The following NUP107 variants were observed in gnomAD, a reference collection of about 807,000 sequenced individuals.
The protein encoded by NUP107 is nucleoporin 107.
A neutral mutation model predicts 141.0 loss-of-function variants in NUP107; 101 were observed. That is an observed-to-expected ratio of 0.72 (90% CI 0.61 to 0.84). The LOEUF is 0.84. NUP107 is among the 40% of genes least tolerant of loss of function. The pLI, the probability that NUP107 is intolerant of heterozygous loss-of-function variation, is 0.00. For synonymous variants in NUP107, 319 were observed against 363.9 expected, an observed-to-expected ratio of 0.88 and a Z score of 1.41; for missense variants, 941 against 1,102.7, an observed-to-expected ratio of 0.85 and a Z score of 2.08.
chr12:68,687,279 T>G (rs1273937243), intron 1 of NUP107: 1 of 688,452 alleles, frequency 1.5e-6, no homozygotes, highest in Non-Finnish European at 2.3e-6. Context: ...ATCATAATAG[T>G]CCCTTACTTT....
At chr12:68,733,414 G>C in intron 23 of NUP107, 38 bp from the exon 24 acceptor site, 1 of 1,583,222 alleles carries the variant, frequency 6.3e-7, no homozygotes, top group Non-Finnish European at 8.6e-7. Context: ...TTACAGAGAA[G>C]TCCGTAGGCA....
At chr12:68,729,119 C>T (rs1451956922) in intron 20 of NUP107, among the ~76,000 whole-genome samples, 2 of 152,290 alleles carry the variant, frequency 1.3e-5, no homozygotes, top group East Asian at 1.9e-4. Context: ...AACAGCTCTT[C>T]AGAGATGATT....
chr12:68,702,020 G>A (rs560506465), intron 7 of NUP107, among the ~76,000 whole-genome samples: 10 of 151,926 alleles, frequency 6.6e-5, no homozygotes, highest in African/African-American at 1.2e-4. Flanking sequence ...ATGGAATCTC[G>A]CTCTGTTGCC....
chr12:68,692,749 A>AT (rs35628849), intron 5 of NUP107, among the ~76,000 whole-genome samples: 35,759 of 135,314 alleles, frequency 0.26, 5,138 homozygotes, highest in Middle Eastern at 0.34. Flanking sequence ...TGCCTAGCTA[A>AT]TTTTTTTTTT....
At chr12:68,709,693 A>G (rs1470041203) in intron 9 of NUP107, among the ~76,000 whole-genome samples, 1 of 151,898 alleles carries the variant, frequency 6.6e-6, no homozygotes, top group African/African-American at 2.4e-5. Context: ...GATCGAGACC[A>G]TCTGGCTAAC....
intron 8 of NUP107, chr12:68,706,528 C>G: frequency 1.5e-6 from 1 of 676,734 alleles, no homozygotes; most frequent in Non-Finnish European, 2.7e-6. Flanking sequence ...TGGGATGACC[C>G]GTGGTGCACA....
Position 68,719,329 on chromosome 12 carries a change from T to A in NUP107, c.1084-12T>A. The A allele has an allele frequency of 6.2e-7, 1 of 1,611,512 alleles. No individual in the cohort carries two copies. Among genetic ancestry groups the A allele is most frequent in the Non-Finnish European group, 8.5e-7 (1 of 1,178,056 alleles). ...TGGTTATTGGACTGACTGCTCTTTC[T>A]TGTTTTCTAAGGCACAACGACTCTG... On this transcript the variant is annotated splice_polypyrimidine_tract_variant and intron_variant, in intron 12 of 27. Coordinates refer to ENST00000229179, the MANE Select transcript of NUP107 (RefSeq NM_020401.4).
chr12:68,688,081 G>A (rs184807366), intron 1 of NUP107, among the ~76,000 whole-genome samples: 20 of 152,332 alleles, frequency 1.3e-4, no homozygotes, highest in Non-Finnish European at 2.2e-4. Context: ...TACGTTTAAA[G>A]TGATGTTTGT....
intron 20 of NUP107, among the ~76,000 whole-genome samples, chr12:68,730,376 G>A (rs769359671): frequency 4.6e-5 from 7 of 151,584 alleles, no homozygotes; most frequent in Admixed American, 2.6e-4. Flanking sequence ...GCGCCACCAC[G>A]CCTGGCTAAT....
intron 8 of NUP107, among the ~76,000 whole-genome samples, chr12:68,703,663 C>T (rs1876443714): frequency 6.6e-6 from 1 of 152,094 alleles, no homozygotes; most frequent in African/African-American, 2.4e-5. Flanking sequence ...ATTGACCAGG[C>T]TGGTCTCGAT....
At chr12:68,739,742 C>T (rs1239285340) in intron 26 of NUP107, 1 of 151,786 alleles carries the variant, frequency 6.6e-6, no homozygotes, top group African/African-American at 2.4e-5. Flanking sequence ...GAGGCTGAGG[C>T]AGGAGAATCG....
rs74437707 is a variant in NUP107 at position 68,744,764 on chromosome 12, G to A, written c.*2302G>A. On this transcript the variant is annotated 3_prime_UTR_variant, in exon 28 of 28. Transcript: ENST00000229179. ...ATACAGTTCAGTTGGAGCCCCAAGA[G>A]TGCCAATGTGCTCCTCACAATTCCC... is the stretch of plus-strand genomic sequence containing the variant. 5,200 of 152,302 alleles carry A rather than the reference G, an allele frequency of 0.034. 130 individuals are homozygous for A. Among genetic ancestry groups the A allele is most frequent in the African/African-American group, 0.06 (2,491 of 41,550 alleles). The allele number at this position is 152,302 out of a possible 1,614,324, so 9.4% of individuals were successfully genotyped here. A position where few individuals can be genotyped will look rare whatever the true frequency, so the allele number is the denominator to read the frequency against.
chr12:68,733,541 G>C lies in NUP107; in HGVS notation c.2191G>C (p.Gly731Arg). ...AATCTATAATCAGTGCGAGGAACAA[G>C]GAATGGAAAGTCCACTTCCTGCTGA... ...AEIYNQCEEQ[G>R]MESPLPAEDD... Residue 731 changes from glycine to arginine, a missense_variant, in exon 24 of 28, where the codon GGA becomes CGA. By Grantham distance (125) the Gly-to-Arg change is moderately radical (BLOSUM62 -2). Transcript: ENST00000229179. 1 of 1,613,762 alleles carries C rather than the reference G, an allele frequency of 6.2e-7. No homozygotes were observed. The highest frequency in any genetic ancestry group is 8.5e-7 in the Non-Finnish European group (1 of 1,179,798).
At chr12:68,688,521 G>A (rs772846613) in intron 1 of NUP107, among the ~76,000 whole-genome samples, 1 of 152,124 alleles carries the variant, frequency 6.6e-6, no homozygotes, top group Non-Finnish European at 1.5e-5. Context: ...GTTTGTTGTT[G>A]TTGTTGTTTG....
chr12:68,733,111 G>C (rs2136046246), intron 23 of NUP107, among the ~76,000 whole-genome samples: 1 of 152,060 alleles, frequency 6.6e-6, no homozygotes, highest in African/African-American at 2.4e-5. Context: ...TATCAAACCT[G>C]GTATTATGAA....
chr12:68,690,343 A>G (rs184449849), intron 3 of NUP107: 13 of 419,550 alleles, frequency 3.1e-5, no homozygotes, highest in African/African-American at 1.6e-4. Flanking sequence ...AATATGAAGA[A>G]TCCGTTGACT....
chr12:68,701,607 C>T (rs1046009714), intron 7 of NUP107, among the ~76,000 whole-genome samples: 4 of 151,368 alleles, frequency 2.6e-5, no homozygotes, highest in Admixed American at 6.6e-5. Context: ...GCTTGAACCT[C>T]GGAGGCAGAG....
chr12:68,713,845 T>A (rs1876986079), intron 11 of NUP107, 37 bp downstream of exon 11: 1 of 1,535,736 alleles, frequency 6.5e-7, no homozygotes, highest in Non-Finnish European at 8.9e-7. Flanking sequence ...CCTTCAAAGT[T>A]AACTGATTTT....
chr12:68,694,583 C>A (rs140967514), intron 5 of NUP107, among the ~76,000 whole-genome samples: 43 of 152,134 alleles, frequency 2.8e-4, no homozygotes, highest in African/African-American at 9.4e-4. Context: ...AAAAAACAAC[C>A]CAATTTAAAA....
Sources: allele counts gnomAD v4.1 joint callset (sites outside exome capture counted in the v4.1 genomes callset), GRCh38; gene constraint gnomAD v4.1.1; transcripts MANE v1.5; gene names NCBI Gene and HGNC (gene_info 2026-07-23, HGNC 2026-07-21).